Variants in PM20D2 observed in about 807,000 individuals in gnomAD.
PM20D2 encodes peptidase M20 domain containing 2, also known as xaa-Arg dipeptidase.
Under a neutral mutation model 42.9 loss-of-function variants are expected in PM20D2, and 33 were observed. The ratio of observed to expected loss-of-function variants is 0.77; its 90% CI spans 0.58 to 1.03. PM20D2 has a LOEUF of 1.03. PM20D2 is among the 50% of genes least tolerant of loss of function. The pLI, the probability that PM20D2 is intolerant of heterozygous loss-of-function variation, is 0.00. For synonymous variants in PM20D2, 250 were observed against 228.2 expected, an observed-to-expected ratio of 1.10 and a Z score of -0.86; for missense variants, 548 against 557.0, an observed-to-expected ratio of 0.98 and a Z score of 0.16.
chr6:89,095,369 C>T, the PM20D2 span, among the ~76,000 whole-genome samples: 70,626 of 151,936 alleles, frequency 0.46, 16,838 homozygotes, highest in East Asian at 0.74. Context: ...TGCGCCACCA[C>T]GCCCGGCTAA....
At chr6:89,118,120 G>A in the PM20D2 span, 414 of 152,106 alleles carry the variant, frequency 2.7e-3, 1 homozygote, top group Non-Finnish European at 4.6e-3. Flanking sequence ...CCCAGGGGCC[G>A]CGGGAATTCC....
the PM20D2 span, among the ~76,000 whole-genome samples, chr6:89,124,718 T>C: frequency 6.8e-6 from 1 of 146,972 alleles, no homozygotes; most frequent in African/African-American, 2.5e-5. Flanking sequence ...CAAAGTTGTT[T>C]TTGTTGTTGC....
chr6:89,105,677 A>G, the PM20D2 span: 1 of 529,130 alleles, frequency 1.9e-6, no homozygotes, highest in Admixed American at 3.7e-5. Flanking sequence ...TAATCAGAAA[A>G]AAAACTTTCA....
At chr6:89,117,744 G>A in the PM20D2 span, 34 of 1,379,926 alleles carry the variant, frequency 2.5e-5, no homozygotes, top group East Asian at 7.8e-4. Context: ...AGCCTCCGCC[G>A]GGCCTCGGCC....
the PM20D2 span, chr6:89,098,772 T>C: frequency 6.8e-6 from 11 of 1,613,894 alleles, no homozygotes; most frequent in African/African-American, 6.7e-5. Context: ...TGAGGTGAAC[T>C]TGACTGTGAT....
the PM20D2 span, chr6:89,117,955 T>C: frequency 6.7e-7 from 1 of 1,483,168 alleles, no homozygotes; most frequent in Non-Finnish European, 9.0e-7. Flanking sequence ...CCGCTACCGC[T>C]GCTACCACCA....
chr6:89,130,748 C>T, the PM20D2 span, among the ~76,000 whole-genome samples: 399 of 147,738 alleles, frequency 2.7e-3, 5 homozygotes, highest in Admixed American at 0.021. Flanking sequence ...GTGTGAGCCA[C>T]TACATCTGGC....
At chr6:89,148,629 T>C in intron 1 of PM20D2, 21 of 888,010 alleles carry the variant, frequency 2.4e-5, no homozygotes, top group Non-Finnish European at 2.7e-5. Flanking sequence ...ACTTGTTTAA[T>C]GTTCTTCATA....
Position 89,158,348 on chromosome 6 carries a change from T to G in PM20D2, c.936T>G (p.His312Gln). 1 of 1,591,644 alleles carries G rather than the reference T, an allele frequency of 6.3e-7. No homozygotes were observed. Among genetic ancestry groups the G allele is most frequent in the African/African-American group, 1.4e-5 (1 of 73,386 alleles). The change falls in exon 5 of 7, where the codon CAT becomes CAG. Residue 312 changes from histidine (H) to glutamine (Q), a missense_variant. This residue lies in a region of PM20D2 where 470 missense variants were observed against 464.4 expected (regional missense o/e 1.01). Coordinates refer to ENST00000275072, the MANE Select transcript of PM20D2 (RefSeq NM_001010853.3). ...GCTVEIKGGA[H>Q]DYYNVLPNKS... ...AGGTGGAAATTAAAGGTGGAGCACA[T>G]GATTATTACAATGTTCTTCCCAATA...
the PM20D2 span, among the ~76,000 whole-genome samples, chr6:89,123,352 T>A: frequency 6.6e-6 from 1 of 151,888 alleles, no homozygotes; most frequent in Admixed American, 6.6e-5. Flanking sequence ...TTTACCATAA[T>A]ATGTTTACTT....
rs147618761 is a variant in PM20D2 at position 89,149,925 on chromosome 6, T to A, written c.614+512T>A. ...TGTGCTTTTCCGATTTGTCTGGTGCTGAAACCTTTTATTTGTCTTTCTTTA... is the reference window on the plus strand; with the variant it reads ...TGTGCTTTTCCGATTTGTCTGGTGCAGAAACCTTTTATTTGTCTTTCTTTA... On this transcript the variant is annotated intron_variant, in intron 2 of 6. Transcript: ENST00000275072. Among the ~76,000 whole-genome samples the A allele has an allele frequency of 3.9e-5, 6 of 152,262 alleles. No individual in the cohort carries two copies. The East Asian group carries it at 1.2e-3, about 29-fold the overall frequency.
At chr6:89,140,842 C>T in the PM20D2 span, among the ~76,000 whole-genome samples, 4 of 152,198 alleles carry the variant, frequency 2.6e-5, no homozygotes, top group Non-Finnish European at 5.9e-5. Context: ...AAGTCACTGC[C>T]TTCACTTTGT....
chr6:89,124,736 G>GTTTTTTTTTTTTTT, the PM20D2 span, among the ~76,000 whole-genome samples: 9 of 108,458 alleles, frequency 8.3e-5, 1 homozygote, highest in East Asian at 9.4e-4. Flanking sequence ...TGCTGTTGTT[G>GTTTTTTTTTTTTTT]TTTTTTTTTT....
chr6:89,099,078 C>A, the PM20D2 span: 1 of 1,162,954 alleles, frequency 8.6e-7, no homozygotes, highest in African/African-American at 1.6e-5. Context: ...AAAAATTTCT[C>A]ATTTTATTAT....
chr6:89,146,683 C>T (rs776903360), intron 1 of PM20D2, 74 bp downstream of exon 1: 98 of 1,224,590 alleles, frequency 8.0e-5, no homozygotes, highest in Non-Finnish European at 1.0e-4. Flanking sequence ...GCGGGACTCT[C>T]GTGCGTCCCG....
At chr6:89,150,126 A>G (rs1003030379) in intron 2 of PM20D2, among the ~76,000 whole-genome samples, 5 of 152,206 alleles carry the variant, frequency 3.3e-5, no homozygotes. Flanking sequence ...GTAGCTCGGT[A>G]CTGAGGGAAT....
chr6:89,102,471 T>C, the PM20D2 span, among the ~76,000 whole-genome samples: 2 of 152,138 alleles, frequency 1.3e-5, no homozygotes, highest in African/African-American at 4.8e-5. Flanking sequence ...TGAAAATACA[T>C]TGATGTAGAA....
chr6:89,103,429 A>G, the PM20D2 span, among the ~76,000 whole-genome samples: 2 of 152,004 alleles, frequency 1.3e-5, no homozygotes, highest in African/African-American at 4.8e-5. Context: ...CCCAGGTTCA[A>G]GCGATTCTCC....
chr6:89,155,002 A>T (rs1770989947), intron 4 of PM20D2, 100 bp downstream of exon 4: 1 of 1,062,360 alleles, frequency 9.4e-7, no homozygotes, highest in Non-Finnish European at 1.3e-6. Flanking sequence ...ATTTGGTGAC[A>T]TGTTGAATAT....
Sources: gnomAD v4.1 joint callset for allele counts (sites outside exome capture counted in the v4.1 genomes callset) on GRCh38, gnomAD v4.1.1 for gene constraint, gnomAD v4.1.1 regional missense constraint, MANE v1.5 for transcripts, NCBI Gene and HGNC (gene_info 2026-07-23, HGNC 2026-07-21) for gene names.